MACF1: variants seen among roughly 807,000 people sequenced by gnomAD.
MACF1 encodes the protein microtubule-actin cross-linking factor 1.
In MACF1, 193 loss-of-function variants were observed where a neutral mutation model predicts 854.8. The ratio of observed to expected loss-of-function variants is 0.23; its 90% confidence interval spans 0.20 to 0.25. The LOEUF is 0.25. Among genes scored for constraint, MACF1 ranks in the 10% least tolerant of loss-of-function variants. MACF1 has a pLI of 1.00. For missense variants in MACF1, 7,722 were observed against 8,929.1 expected (o/e 0.86, Z 5.45); for synonymous variants, 3,185 against 3,226.7 (o/e 0.99, Z 0.44).
intron 87 of MACF1, 112 bp downstream of exon 87, chr1:39,452,924 A>G: frequency 7.5e-7 from 1 of 1,333,610 alleles, no homozygotes; most frequent in African/African-American, 1.5e-5. Flanking sequence ...CATGAAAAGG[A>G]ACAAAACCAG....
At chr1:39,362,311 T>A in intron 49 of MACF1, among the ~76,000 whole-genome samples, 1 of 152,214 alleles carries the variant, frequency 6.6e-6, no homozygotes, top group South Asian at 2.1e-4. Flanking sequence ...CTGCCTTCGC[T>A]TTATCCAGCT....
chr1:39,453,677 C>T (rs1437110382), intron 87 of MACF1, 30 bp from the exon 88 acceptor site: 31 of 1,608,330 alleles, frequency 1.9e-5, no homozygotes, highest in South Asian at 6.6e-5. Context: ...AGACTTTTTA[C>T]GTTTTTGTTT....
intron 58 of MACF1, among the ~76,000 whole-genome samples, chr1:39,421,853 TCA>T (rs1643548698): frequency 6.6e-6 from 1 of 152,090 alleles, no homozygotes; most frequent in Middle Eastern, 3.2e-3. Flanking sequence ...GGAGGGCGGA[TCA>T]CGAGGTCAGG....
chr1:39,443,652 T>C (rs1458460951), intron 79 of MACF1, 78 bp downstream of exon 79: 1 of 1,410,148 alleles, frequency 7.1e-7, no homozygotes, highest in Non-Finnish European at 9.6e-7. Flanking sequence ...TCATAATTAA[T>C]ATGTATCTGG....
intron 15 of MACF1, among the ~76,000 whole-genome samples, chr1:39,290,720 T>A (rs1361110677): frequency 3.4e-5 from 5 of 145,396 alleles, no homozygotes; most frequent in African/African-American, 1.3e-4. Context: ...CAAACTGGAG[T>A]GCAATGGCAC....
At chr1:39,440,104 TTCTTTTC>T (rs1557655923) in intron 72 of MACF1, among the ~76,000 whole-genome samples, 7,538 of 109,328 alleles carry the variant, frequency 0.069, 634 homozygotes, top group Non-Finnish European at 0.1. Flanking sequence ...TTCTTTTCTT[TTCTTTTC>T]TTTTTTTTTT....
intron 2 of MACF1, among the ~76,000 whole-genome samples, chr1:39,165,673 G>A (rs1397180721): frequency 6.6e-6 from 1 of 152,144 alleles, no homozygotes. Context: ...TCCTCACTAT[G>A]CTGCTGTGGT....
At chr1:39,262,397 C>CCAAA (rs1391034707) in intron 6 of MACF1, among the ~76,000 whole-genome samples, 1 of 68,798 alleles carries the variant, frequency 1.5e-5, no homozygotes, top group African/African-American at 5.9e-5. Context: ...GACTCCATCA[C>CCAAA]AAAAAAAAAA....
intron 94 of MACF1, 41 bp from the exon 95 acceptor site, chr1:39,465,054 T>C (rs200456642): frequency 9.3e-5 from 147 of 1,582,304 alleles, no homozygotes; most frequent in Admixed American, 3.0e-4. Context: ...TCTTTTTTTT[T>C]CCCCTCCTTT....
At chr1:39,345,328 AG>A (rs2148491229) in intron 40 of MACF1, among the ~76,000 whole-genome samples, 1 of 152,372 alleles carries the variant, frequency 6.6e-6, no homozygotes, top group Non-Finnish European at 1.5e-5. Flanking sequence ...ATCAAAATTT[AG>A]GCTGGGCATG....
intron 58 of MACF1, among the ~76,000 whole-genome samples, chr1:39,390,165 A>G (rs1641975408): frequency 6.6e-6 from 1 of 152,210 alleles, no homozygotes; most frequent in Admixed American, 6.5e-5. Context: ...CATGGAATAG[A>G]TTTGGAAAGG....
chr1:39,393,974 G>C (rs1642168425), intron 58 of MACF1, among the ~76,000 whole-genome samples: 1 of 152,058 alleles, frequency 6.6e-6, no homozygotes, highest in African/African-American at 2.4e-5. Flanking sequence ...ACCTCTTTAG[G>C]GTCTGCGAGT....
At chr1:39,219,074 C>T (rs1266729646) in intron 1 of MACF1, among the ~76,000 whole-genome samples, 2 of 152,124 alleles carry the variant, frequency 1.3e-5, no homozygotes, top group Non-Finnish European at 1.5e-5. Context: ...AGCCATCACA[C>T]CCGGCAGAAA....
intron 61 of MACF1, among the ~76,000 whole-genome samples, chr1:39,426,479 G>T (rs1313616223): frequency 6.6e-6 from 1 of 152,142 alleles, no homozygotes; most frequent in Non-Finnish European, 1.5e-5. Context: ...ACAACATTAT[G>T]ACCTTTCATT....
chr1:39,181,985 T>C (rs915112755), intron 2 of MACF1, among the ~76,000 whole-genome samples: 3 of 152,016 alleles, frequency 2.0e-5, no homozygotes, highest in African/African-American at 7.2e-5. Context: ...ACCCCATTTC[T>C]ACTAAAAATA....
chr1:39,305,885 A>G (rs189301536), intron 23 of MACF1, among the ~76,000 whole-genome samples: 9 of 152,238 alleles, frequency 5.9e-5, no homozygotes, highest in African/African-American at 2.2e-4. Flanking sequence ...TAGAACCCTC[A>G]TGGACCACCA....
intron 20 of MACF1, among the ~76,000 whole-genome samples, chr1:39,296,495 T>G (rs534716735): frequency 6.6e-6 from 1 of 152,002 alleles, no homozygotes; most frequent in East Asian, 1.9e-4. Flanking sequence ...TTTGGGAGGC[T>G]GAGGCAGGCA....
intron 2 of MACF1, among the ~76,000 whole-genome samples, chr1:39,125,584 T>C (rs1489413942): frequency 2.0e-5 from 3 of 152,268 alleles, no homozygotes; most frequent in African/African-American, 2.4e-5. Context: ...TTGGTCCTTA[T>C]GTCCTTTTCT....
At chr1:39,346,677 G>A (rs766773170) in intron 40 of MACF1, among the ~76,000 whole-genome samples, 3 of 151,778 alleles carry the variant, frequency 2.0e-5, no homozygotes, top group African/African-American at 4.8e-5. Flanking sequence ...CTGCCACTAC[G>A]CCTGGCTAAT....
Sources: gnomAD v4.1 joint callset for allele counts (sites outside exome capture counted in the v4.1 genomes callset) on GRCh38, gnomAD v4.1.1 for gene constraint, MANE v1.5 for transcripts, NCBI Gene and HGNC (gene_info 2026-07-23, HGNC 2026-07-21) for gene names.